Variants in EIF4ENIF1 observed in about 807,000 individuals in gnomAD.
EIF4ENIF1 encodes the protein eukaryotic translation initiation factor 4E nuclear import factor 1.
Under a neutral mutation model 110.5 loss-of-function variants are expected in EIF4ENIF1, and 23 were observed. The observed-to-expected ratio is 0.21, with a 90% CI of 0.15 to 0.29. The LOEUF (loss-of-function observed/expected upper bound fraction) is 0.29, where lower values mean the gene tolerates loss of function less well. EIF4ENIF1 is among the 10% of genes least tolerant of loss of function. EIF4ENIF1 has a pLI of 1.00. For synonymous variants in EIF4ENIF1, 440 were observed against 437.0 expected (o/e 1.01, Z -0.09); for missense variants, 1,031 against 1,221.1 (o/e 0.84, Z 2.32).
At chr22:31,471,713 C>T (rs947070659) in intron 3 of EIF4ENIF1, 131 bp downstream of exon 3, 107 of 794,502 alleles carry the variant, frequency 1.3e-4, no homozygotes, top group Non-Finnish European at 1.2e-4. Context: ...ATCTTATTAC[C>T]TCTCGAAATC....
Position 31,447,379 on chromosome 22 carries a change from G to T in EIF4ENIF1, c.1988+47C>A, listed in dbSNP as rs1289407858. The T allele has an allele frequency of 1.2e-6, 2 of 1,603,202 alleles. 1 individual carries two copies. Among genetic ancestry groups the T allele is most frequent in the Admixed American group, 3.5e-5 (2 of 57,250 alleles). The stretch of plus-strand genomic sequence containing the variant: ...GCAGATAAGTAATTTATTAGTTTCA[G>T]GAAAACTTATCCGTAAATCTCCACA... On this transcript the variant is annotated intron_variant, in intron 14 of 18. Transcript: ENST00000330125.
rs1046255443 is a variant in EIF4ENIF1 at position 31,458,724 on chromosome 22, A to G, written c.788-74T>C. The G allele has an allele frequency of 1.1e-4, 155 of 1,386,006 alleles. No homozygotes were observed. In the African/African-American group the frequency reaches 1.9e-3, roughly 17 times the overall value. The allele number at this position is 1,386,006 out of a possible 1,614,324, so 85.9% of individuals were successfully genotyped here. On this transcript the variant is annotated intron_variant, in intron 6 of 18. Transcript: ENST00000330125. ...GTGTCCCTCTGTGGCTTCAGCCATCAGTATACATGTAGAAGAGCCACACAT... is the reference window on the plus strand; with the variant it reads ...GTGTCCCTCTGTGGCTTCAGCCATCGGTATACATGTAGAAGAGCCACACAT...
At chr22:31,489,370 A>C (rs1387243089) in intron 1 of EIF4ENIF1, 1 of 151,828 alleles carries the variant, frequency 6.6e-6, no homozygotes, top group African/African-American at 2.4e-5. Flanking sequence ...CCTTCGGAGG[A>C]AGGGCGGAGA....
chr22:31,440,238 CT>C, intron 18 of EIF4ENIF1, 117 bp from the exon 19 acceptor site: 1 of 1,425,098 alleles, frequency 7.0e-7, no homozygotes, highest in Non-Finnish European at 9.6e-7. Context: ...TCTAGGGCTT[CT>C]TTAGAAACTC....
intron 10 of EIF4ENIF1, chr22:31,450,771 CATAT>C (rs2050625521): frequency 1.2e-5 from 3 of 241,098 alleles, no homozygotes; most frequent in African/African-American, 2.3e-5. Context: ...TATATACATA[CATAT>C]ATACACACAC....
intron 10 of EIF4ENIF1, among the ~76,000 whole-genome samples, chr22:31,451,680 T>TG (rs1423609975): frequency 1.3e-5 from 2 of 151,548 alleles, no homozygotes; most frequent in Non-Finnish European, 2.9e-5. Flanking sequence ...TTTTTTTTTT[T>TG]GGGACAGGTC....
At chr22:31,437,635 C>A (rs1465936243), downstream of EIF4ENIF1, 2 of 152,152 alleles carry the variant, frequency 1.3e-5, no homozygotes, top group Non-Finnish European at 2.9e-5. Context: ...CTACTAGCTT[C>A]TAGTCTGAAA....
chr22:31,474,610 A>G (rs1163185430), intron 2 of EIF4ENIF1, among the ~76,000 whole-genome samples: 1 of 151,992 alleles, frequency 6.6e-6, no homozygotes, highest in African/African-American at 2.4e-5. Flanking sequence ...GAATTGCATA[A>G]AACACCAAGG....
rs756133026 is a variant in EIF4ENIF1, at chr22:31,454,241, T to C, written c.1415A>G (p.Asn472Ser). Residue 472 changes from asparagine to serine, a missense_variant, in exon 10 of 19, where the codon AAT (asparagine) becomes AGT (serine). Asn to Ser is a conservative substitution (Grantham distance 46). Coordinates refer to ENST00000330125, the MANE Select transcript of EIF4ENIF1 (RefSeq NM_019843.4). The part of the protein sequence containing the change: ...LEETLSAVTN[N>S]RQLKKDGDMT... ...GTCTCCGTCTTTCTTCAGTTGTCGA[T>C]TGTTGGTTACGGCACTCAAGGTCTC... 3.2e-5 allele frequency: 51 copies of C among 1,613,998 alleles called. No homozygotes were observed. In the East Asian group the frequency reaches 1.0e-3, roughly 32 times the overall value.
chr22:31,444,353 C>A (rs1312885491), intron 15 of EIF4ENIF1: 3 of 403,204 alleles, frequency 7.4e-6, no homozygotes, highest in East Asian at 4.9e-5. Context: ...CATACTATAT[C>A]ACCTCGTGTG....
In EIF4ENIF1 at chr22:31,488,380, T is replaced by A. The variant is rs557735082; in HGVS notation, c.96+243A>T. On this transcript the variant is annotated intron_variant, in intron 2 of 18. Transcript: ENST00000330125. ...TACAAAGTATACTGATCCGCAATTT[T>A]AAAAAAATCTAAGCCTACATTCCCT... 7.2e-5 allele frequency among the ~76,000 whole-genome samples: 11 copies of A among 152,244 alleles called. No individual in the cohort carries two copies. In the East Asian group the frequency reaches 7.7e-4, roughly 11 times the overall value.
chr22:31,455,247 C>T lies in EIF4ENIF1; in HGVS notation c.1168G>A (p.Asp390Asn), dbSNP rs2050777998. 2 of 1,613,998 alleles carry T rather than the reference C, an allele frequency of 1.2e-6. No homozygotes were observed. The highest frequency in any genetic ancestry group is 1.6e-4 in the Middle Eastern group (1 of 6,062). Residue 390 changes from aspartate to asparagine, a missense_variant, in exon 9 of 19, where the codon GAC (aspartate) becomes AAC (asparagine). Coordinates refer to ENST00000330125, the MANE Select transcript of EIF4ENIF1 (RefSeq NM_019843.4). ...GNYFAPIPLE[D>N]HAENKVDILE... ...ATATCCACTTTATTTTCAGCATGGT[C>T]TTCCAATGGTATAGGAGCAAAGTAA... is the stretch of plus-strand genomic sequence containing the variant.
intron 7 of EIF4ENIF1, among the ~76,000 whole-genome samples, chr22:31,456,574 G>A (rs2050838725): frequency 6.6e-6 from 1 of 151,858 alleles, no homozygotes; most frequent in Non-Finnish European, 1.5e-5. Flanking sequence ...AAGTGCAGGG[G>A]TGCAATCTTG....
At chr22:31,462,901 AG>A in intron 6 of EIF4ENIF1, 30 bp downstream of exon 6, 1 of 1,608,684 alleles carries the variant, frequency 6.2e-7, no homozygotes, top group Non-Finnish European at 8.5e-7. Flanking sequence ...ATTTTAAAAC[AG>A]CGAACTTCCC....
At chr22:31,480,736 C>T (rs1244556283) in intron 2 of EIF4ENIF1, among the ~76,000 whole-genome samples, 4 of 151,502 alleles carry the variant, frequency 2.6e-5, no homozygotes, top group African/African-American at 9.7e-5. Flanking sequence ...GCCTGGGCAA[C>T]AGGAACAAAA....
intron 8 of EIF4ENIF1, 65 bp from the exon 9 acceptor site, chr22:31,455,380 T>C (rs982817156): frequency 5.6e-6 from 7 of 1,252,828 alleles, no homozygotes; most frequent in African/African-American, 1.6e-5. Flanking sequence ...CCTTCGACAG[T>C]ATTTTTCTTT....
chr22:31,463,839 C>G lies in EIF4ENIF1; in HGVS notation c.427G>C (p.Asp143His), dbSNP rs2051081535. The part of the protein sequence containing the change: ...SRRSGSPLEK[D>H]SDGLRLLGGR... ...CCAAGCAGACGAAGCCCATCACTATCTTTCTCTAATGGACTTCCTGAGCGC... is the reference window on the plus strand; with the variant it reads ...CCAAGCAGACGAAGCCCATCACTATGTTTCTCTAATGGACTTCCTGAGCGC... Residue 143 changes from aspartate (D) to histidine (H), a missense_variant, in exon 5 of 19, where the codon GAT becomes CAT. Physicochemically the swap from Asp to His is moderately conservative, Grantham distance 81. Transcript: ENST00000330125. 1 of 1,613,964 alleles carries G rather than the reference C, an allele frequency of 6.2e-7. No individual in the cohort carries two copies. Among genetic ancestry groups the G allele is most frequent in the Admixed American group, 1.7e-5 (1 of 59,972 alleles).
rs1346494351 is a variant in EIF4ENIF1, at chr22:31,450,683, T to G, written c.1513-323A>C. ...CCGGGGAACACTTACTTGAGATAAC[T>G]CTTGCTACCCATTACCTTTAACAAG... On this transcript the variant is annotated intron_variant, in intron 10 of 18. Transcript: ENST00000330125. 7.7e-5 allele frequency: 24 copies of G among 312,282 alleles called. No homozygotes were observed. The East Asian group carries it at 7.8e-4, about 10-fold the overall frequency. The allele number at this position is 312,282 out of a possible 1,614,324, so 19.3% of individuals were successfully genotyped here.
chr22:31,446,914 T>C, intron 14 of EIF4ENIF1: 1 of 435,278 alleles, frequency 2.3e-6, no homozygotes, highest in Non-Finnish European at 4.6e-6. Flanking sequence ...GTACTCTACT[T>C]GTTAACAGCT....
Sources: gnomAD v4.1 joint callset for allele counts (sites outside exome capture counted in the v4.1 genomes callset) on GRCh38, gnomAD v4.1.1 for gene constraint, MANE v1.5 for transcripts, NCBI Gene and HGNC (gene_info 2026-07-23, HGNC 2026-07-21) for gene names.